PDE4D: variants seen among roughly 807,000 people sequenced by gnomAD.
PDE4D encodes 3',5'-cyclic-AMP phosphodiesterase 4D.
A neutral mutation model predicts 87.4 loss-of-function variants in PDE4D; 24 were observed. The observed-to-expected ratio is 0.27, with a 90% CI of 0.20 to 0.39. PDE4D has a LOEUF of 0.39. Among genes scored for constraint, PDE4D ranks in the 10% least tolerant of loss-of-function variants. PDE4D has a pLI of 1.00. For missense variants in PDE4D, 714 were observed against 1,041.0 expected, an observed-to-expected ratio of 0.69 and a Z score of 4.32; for synonymous variants, 384 against 383.2, an observed-to-expected ratio of 1.00 and a Z score of -0.02.
intron 1 of PDE4D, among the ~76,000 whole-genome samples, chr5:59,803,370 C>T (rs1419569885): frequency 8.0e-5 from 12 of 149,960 alleles, no homozygotes; most frequent in Non-Finnish European, 1.6e-4. Flanking sequence ...GCCATCTTGG[C>T]TCACTGCAAC....
At chr5:59,964,954 C>T (rs1759863434) in intron 3 of PDE4D, among the ~76,000 whole-genome samples, 1 of 152,088 alleles carries the variant, frequency 6.6e-6, no homozygotes, top group South Asian at 2.1e-4. Context: ...ATACCATGCT[C>T]TATTTTGCTT....
intron 6 of PDE4D, among the ~76,000 whole-genome samples, chr5:58,995,492 C>G (rs547494763): frequency 1.3e-5 from 2 of 152,122 alleles, no homozygotes; most frequent in Non-Finnish European, 2.9e-5. Flanking sequence ...TTCTGTCCCT[C>G]TTTACAAAGT....
intron 1 of PDE4D, among the ~76,000 whole-genome samples, chr5:59,599,046 T>A (rs1187239536): frequency 6.6e-6 from 1 of 152,132 alleles, no homozygotes; most frequent in Non-Finnish European, 1.5e-5. Flanking sequence ...GAAGCATATT[T>A]GCTAGGAGGC....
chr5:60,443,059 A>G (rs970947403), intron 1 of PDE4D, among the ~76,000 whole-genome samples: 2 of 152,148 alleles, frequency 1.3e-5, no homozygotes, highest in African/African-American at 4.8e-5. Context: ...ACAGAAAGAT[A>G]CGAGCAAATA....
At chr5:58,998,560 A>G (rs1328817613) in intron 6 of PDE4D, among the ~76,000 whole-genome samples, 1 of 152,214 alleles carries the variant, frequency 6.6e-6, no homozygotes, top group Non-Finnish European at 1.5e-5. Context: ...GACTACTTGG[A>G]CAACCAAGAC....
chr5:60,413,949 AAAATAG>A (rs544593148), intron 1 of PDE4D, among the ~76,000 whole-genome samples: 516 of 152,346 alleles, frequency 3.4e-3, no homozygotes, highest in Admixed American at 5.8e-3. Flanking sequence ...TTACAGTTCT[AAAATAG>A]AAAACAGAAC....
chr5:59,914,716 C>T (rs1473790900), intron 3 of PDE4D, among the ~76,000 whole-genome samples: 2 of 151,934 alleles, frequency 1.3e-5, no homozygotes, highest in Admixed American at 6.6e-5. Context: ...ATGTTGAAAA[C>T]AGACGGTAGA....
At chr5:60,119,364 T>C (rs750830263) in intron 2 of PDE4D, among the ~76,000 whole-genome samples, 5 of 152,202 alleles carry the variant, frequency 3.3e-5, no homozygotes, top group Non-Finnish European at 2.9e-5. Context: ...AAACCAAATA[T>C]GAGCCTTCTG....
In PDE4D at chr5:59,879,267, C is replaced by T. The variant is rs1397219987; in HGVS notation, c.455+13901G>A. ...TTTCCCTGCTTAAAACCAATCAGTGCCTCTGTAACATCTTATAGGGAAGTT... is the reference window on the plus strand; with the variant it reads ...TTTCCCTGCTTAAAACCAATCAGTGTCTCTGTAACATCTTATAGGGAAGTT... On this transcript the variant is annotated intron_variant, in intron 1 of 14. Transcript: ENST00000340635. Among the ~76,000 whole-genome samples the T allele has an allele frequency of 2.0e-5, 3 of 152,178 alleles. No individual in the cohort carries two copies. The East Asian group carries it at 5.8e-4, about 29-fold the overall frequency.
chr5:59,686,875 A>T (rs998287091), intron 1 of PDE4D, among the ~76,000 whole-genome samples: 3 of 152,200 alleles, frequency 2.0e-5, no homozygotes, highest in Non-Finnish European at 4.4e-5. Flanking sequence ...TGGAATTGTC[A>T]AATCTTCAAA....
chr5:59,285,502 T>C (rs1766752334), intron 1 of PDE4D, among the ~76,000 whole-genome samples: 1 of 150,480 alleles, frequency 6.6e-6, no homozygotes, highest in Non-Finnish European at 1.5e-5. Flanking sequence ...GTTCCTACAA[T>C]AGTGTTATAA....
intron 2 of PDE4D, among the ~76,000 whole-genome samples, chr5:60,003,395 C>G (rs965526648): frequency 2.0e-5 from 3 of 151,546 alleles, no homozygotes; most frequent in Admixed American, 1.3e-4. Context: ...CAAAAAAGAC[C>G]CTGAATACCC....
rs1394386151 is a variant in PDE4D at position 58,973,276 on chromosome 5, T to TAAC, written c.*1385_*1387dup. The TAAC allele has an allele frequency of 6.6e-6, 1 of 152,224 alleles. No homozygotes were observed. Among genetic ancestry groups the TAAC allele is most frequent in the African/African-American group, 2.4e-5 (1 of 41,456 alleles). The allele number at this position is 152,224 out of a possible 1,614,324, so 9.4% of individuals were successfully genotyped here. A position where few individuals can be genotyped will look rare whatever the true frequency, so the allele number is the denominator to read the frequency against. On this transcript the variant is annotated 3_prime_UTR_variant, in exon 15 of 15. Transcript: ENST00000340635. ...TCGTGGTTGAAATGAATGTTAACCC[T>TAAC]AACTTAACTACCTGTTTCTTTTCAC...
At chr5:59,503,178 C>A (rs937900693) in intron 1 of PDE4D, among the ~76,000 whole-genome samples, 1 of 152,036 alleles carries the variant, frequency 6.6e-6, no homozygotes, top group Non-Finnish European at 1.5e-5. Flanking sequence ...TGCTCTGGAG[C>A]TCTTAGGTAA....
chr5:60,367,393 G>A (rs62372004), intron 1 of PDE4D, among the ~76,000 whole-genome samples: 3,874 of 151,484 alleles, frequency 0.026, 69 homozygotes, highest in Non-Finnish European at 0.04. Context: ...GGAGGTTGCA[G>A]TGAGCTGAGA....
At position 59,589,364 on chromosome 5, in the gene PDE4D, A is replaced by G. The variant is rs1438076955; in HGVS notation, c.455+303804T>C. On this transcript the variant is annotated intron_variant, in intron 1 of 14. Coordinates refer to ENST00000340635, the MANE Select transcript of PDE4D (RefSeq NM_001104631.2). ...ATTATGCCCATTTTGGAGATGCCAA[A>G]AAGATTGTATTTGTTCATTATCAGG... 3.9e-5 allele frequency among the ~76,000 whole-genome samples: 6 copies of G among 152,216 alleles called. No homozygotes were observed. The South Asian group carries it at 1.0e-3, about 26-fold the overall frequency.
At chr5:60,139,402 G>A (rs545212120) in intron 2 of PDE4D, among the ~76,000 whole-genome samples, 19 of 152,160 alleles carry the variant, frequency 1.2e-4, no homozygotes, top group Admixed American at 8.5e-4. Context: ...GGCATTATAT[G>A]TTAATCATAT....
intron 2 of PDE4D, among the ~76,000 whole-genome samples, chr5:60,011,998 G>A (rs541277788): frequency 6.6e-5 from 10 of 152,152 alleles, no homozygotes; most frequent in Non-Finnish European, 1.2e-4. Context: ...GCCACTAACC[G>A]AGACATCACT....
intron 6 of PDE4D, chr5:59,002,156 C>A: frequency 2.3e-6 from 1 of 436,268 alleles, no homozygotes. Context: ...CCCTCATTTC[C>A]ACATAAAGTT....
Sources: gnomAD v4.1 joint callset for allele counts (sites outside exome capture counted in the v4.1 genomes callset) on GRCh38, gnomAD v4.1.1 for gene constraint, MANE v1.5 for transcripts, NCBI Gene and HGNC (gene_info 2026-07-23, HGNC 2026-07-21) for gene names.